Variants in SOS2 observed in about 807,000 individuals in gnomAD.
The protein encoded by SOS2 is SOS Ras/Rho guanine nucleotide exchange factor 2, also known as son of sevenless homolog 2.
SOS2 carries 65 observed loss-of-function variants against 148.2 expected under a neutral mutation model. The observed-to-expected ratio is 0.44, with a 90% CI of 0.36 to 0.54. The LOEUF is 0.54. SOS2 is among the 20% of genes least tolerant of loss of function. SOS2 has a pLI of 0.00. For synonymous variants in SOS2, 539 were observed against 537.1 expected (o/e 1.00, Z -0.05); for missense variants, 1,341 against 1,590.2 (o/e 0.84, Z 2.67).
intron 1 of SOS2, chr14:50,215,299 G>T: frequency 6.2e-6 from 6 of 974,442 alleles, no homozygotes; most frequent in Non-Finnish European, 8.2e-6. Context: ...AAGCATCAAA[G>T]TTTCTTATGC....
intron 2 of SOS2, among the ~76,000 whole-genome samples, chr14:50,201,670 C>T (rs1454513126): frequency 1.3e-5 from 2 of 151,462 alleles, no homozygotes; most frequent in African/African-American, 4.9e-5. Flanking sequence ...AAAAACAATA[C>T]ATAGGATATA....
chr14:50,144,680 G>A (rs1016515492), intron 16 of SOS2, among the ~76,000 whole-genome samples: 2 of 151,778 alleles, frequency 1.3e-5, no homozygotes, highest in African/African-American at 2.4e-5. Context: ...TCAGGTGATC[G>A]ACCCGCCTCA....
chr14:50,199,919 A>G (rs1488406112), intron 3 of SOS2, 64 bp from the exon 4 acceptor site: 36 of 1,048,256 alleles, frequency 3.4e-5, no homozygotes, highest in Non-Finnish European at 4.7e-5. Context: ...ACACTTAAAA[A>G]ATTCCTATTT....
chr14:50,150,143 A>C lies in SOS2; in HGVS notation c.2249T>G (p.Ile750Ser). ...TGGTGGAGGTGGACTTTCAAAGGTA[A>C]TATTATGGCTTACTCCGTTTGCCTG... ...QAQANGVSHN[I>S]TFESPPPPIE... The change falls in exon 14 of 23, where the codon ATT (isoleucine) becomes AGT (serine). Residue 750 changes from isoleucine (I) to serine (S), a missense_variant. This residue lies in a region of SOS2 where 408 missense variants were observed against 506.6 expected (regional missense o/e 0.81). Coordinates refer to ENST00000216373, the MANE Select transcript of SOS2 (RefSeq NM_006939.4). 1.9e-6 allele frequency: 3 copies of C among 1,613,314 alleles called. No homozygotes were observed. The highest frequency in any genetic ancestry group is 2.5e-6 in the Non-Finnish European group (3 of 1,179,266).
At chr14:50,201,385 G>A (rs996823466) in intron 2 of SOS2, among the ~76,000 whole-genome samples, 1 of 151,838 alleles carries the variant, frequency 6.6e-6, no homozygotes, top group African/African-American at 2.4e-5. Context: ...ACAAAAATTA[G>A]CCCGGCATGG....
At chr14:50,191,295 T>G (rs1287471625) in intron 4 of SOS2, among the ~76,000 whole-genome samples, 1 of 151,870 alleles carries the variant, frequency 6.6e-6, no homozygotes, top group African/African-American at 2.4e-5. Flanking sequence ...CAAGATTCTA[T>G]CTCTACCAAA....
chr14:50,137,819 A>G (rs1014156424), intron 18 of SOS2, among the ~76,000 whole-genome samples: 3 of 152,074 alleles, frequency 2.0e-5, no homozygotes, highest in Admixed American at 6.5e-5. Flanking sequence ...GAATAATCCA[A>G]TTATACTCTT....
chr14:50,176,229 A>C (rs989427050), intron 7 of SOS2, among the ~76,000 whole-genome samples: 1 of 152,224 alleles, frequency 6.6e-6, no homozygotes, highest in Non-Finnish European at 1.5e-5. Context: ...CAAACTAGAC[A>C]CCAAATCTGT....
chr14:50,182,528 C>G lies in SOS2; in HGVS notation c.793G>C (p.Val265Leu), dbSNP rs758486167. ...GGACTGCTTTCATCAGTCATTTCAA[C>G]TGTGTCTTCAATCAAACCTAAAAGT... is the stretch of plus-strand genomic sequence containing the variant. ...VKLLGLIEDT[V>L]EMTDESSPHP... The change falls in exon 6 of 23, where the codon GTT becomes CTT. Residue 265 changes from valine to leucine, a missense_variant. By Grantham distance (32) the Val-to-Leu change is conservative. Around this residue, in one of 4 missense-constraint regions of SOS2, gnomAD observed 574 missense variants for 711.1 expected, o/e 0.81. Transcript: ENST00000216373. 4 of 1,613,182 alleles carry G rather than the reference C, an allele frequency of 2.5e-6. No homozygotes were observed. In the South Asian group the frequency reaches 4.4e-5, roughly 18 times the overall value.
chr14:50,118,157 C>G lies in SOS2; in HGVS notation c.*187G>C. On this transcript the variant is annotated 3_prime_UTR_variant, in exon 23 of 23. Coordinates refer to ENST00000216373, the MANE Select transcript of SOS2 (RefSeq NM_006939.4). Reference sequence around the variant, plus strand: ...AAGACAAGGCAATGCTACTGATCACCTGAGGATAATGGTGAAGGACTTTTG... The same window carrying G: ...AAGACAAGGCAATGCTACTGATCACGTGAGGATAATGGTGAAGGACTTTTG... 2 of 589,410 alleles carry G rather than the reference C, an allele frequency of 3.4e-6. No homozygotes were observed. The highest frequency in any genetic ancestry group is 2.3e-5 in the South Asian group (1 of 44,368). 36.5% of individuals were successfully genotyped at this position (589,410 alleles called of 1,614,324 possible).
intron 1 of SOS2, among the ~76,000 whole-genome samples, chr14:50,227,004 G>A (rs1887398275): frequency 6.6e-6 from 1 of 152,152 alleles, no homozygotes; most frequent in Non-Finnish European, 1.5e-5. Context: ...AGGCAATTAT[G>A]TTCTAGGCTC....
intron 14 of SOS2, among the ~76,000 whole-genome samples, chr14:50,148,176 C>G (rs1382925595): frequency 6.6e-6 from 1 of 152,012 alleles, no homozygotes; most frequent in Non-Finnish European, 1.5e-5. Context: ...CTTTGGGAGG[C>G]TGAGGTGGGT....
At chr14:50,201,945 C>CT (rs1261473071) in intron 2 of SOS2, among the ~76,000 whole-genome samples, 1 of 152,074 alleles carries the variant, frequency 6.6e-6, no homozygotes, top group Non-Finnish European at 1.5e-5. Context: ...GTTCATCTTG[C>CT]TTTTTTGTTT....
chr14:50,192,903 A>C (rs934246077), intron 4 of SOS2, among the ~76,000 whole-genome samples: 1 of 152,164 alleles, frequency 6.6e-6, no homozygotes. Context: ...GGTTAAAAAC[A>C]AAAGAAAGAA....
intron 21 of SOS2, among the ~76,000 whole-genome samples, chr14:50,121,530 GA>G (rs10565083): frequency 0.28 from 1,522 of 5,348 alleles, 226 homozygotes; most frequent in African/African-American, 0.42. Context: ...CTTCCTGGGG[GA>G]GGGGGGGGAG....
At chr14:50,207,886 G>A (rs1225955043) in intron 1 of SOS2, among the ~76,000 whole-genome samples, 2 of 147,492 alleles carry the variant, frequency 1.4e-5, no homozygotes, top group African/African-American at 5.0e-5. Context: ...GGATGACTGA[G>A]CGAGACTCCA....
intron 6 of SOS2, among the ~76,000 whole-genome samples, chr14:50,181,410 T>G (rs928698324): frequency 6.7e-6 from 1 of 150,254 alleles, no homozygotes; most frequent in East Asian, 2.0e-4. Flanking sequence ...ATCGTGCCAT[T>G]GCACTCTAGA....
chr14:50,166,668 G>A (rs1443399417), intron 8 of SOS2, among the ~76,000 whole-genome samples: 1 of 152,030 alleles, frequency 6.6e-6, no homozygotes, highest in Non-Finnish European at 1.5e-5. Context: ...CTCTGTATGA[G>A]AATTCACTGA....
At chr14:50,123,340 C>T (rs1883579568) in intron 21 of SOS2, among the ~76,000 whole-genome samples, 1 of 150,812 alleles carries the variant, frequency 6.6e-6, no homozygotes, top group Admixed American at 6.6e-5. Context: ...TTTAAAGGAA[C>T]CGGCTTTCAC....
Sources: gnomAD v4.1 joint callset for allele counts (sites outside exome capture counted in the v4.1 genomes callset) on GRCh38, gnomAD v4.1.1 for gene constraint, gnomAD v4.1.1 regional missense constraint, MANE v1.5 for transcripts, NCBI Gene and HGNC (gene_info 2026-07-23, HGNC 2026-07-21) for gene names.